Variants in RFTN1 observed in about 807,000 individuals in gnomAD.
RFTN1 encodes the protein raftlin.
In RFTN1, 26 loss-of-function variants were observed where a neutral mutation model predicts 46.5. The ratio of observed to expected loss-of-function variants is 0.56; its 90% CI spans 0.41 to 0.78. The LOEUF is 0.78. Ranked by LOEUF, RFTN1 falls within the 30% of genes least tolerant of loss-of-function variation. The probability of loss-of-function intolerance (pLI) is 0.00; values close to 1 mark genes in which losing one functional copy is unlikely to be tolerated. For synonymous variants in RFTN1, 261 were observed against 284.2 expected (o/e 0.92, Z 0.82); for missense variants, 693 against 718.7 (o/e 0.96, Z 0.41).
At chr3:16,508,925 C>T (rs992352662) in intron 1 of RFTN1, among the ~76,000 whole-genome samples, 1 of 152,160 alleles carries the variant, frequency 6.6e-6, no homozygotes, top group African/African-American at 2.4e-5. Context: ...TAGCCACTAA[C>T]CACACGTGGC....
Position 16,461,169 on chromosome 3 carries a change from CT to C in RFTN1, c.146-27133del, listed in dbSNP as rs1056943464. ...AAGCTAATGAACTGAATCTAATTTT[CT>C]TTTGACCATCTTTGACAAGGAATAA... On this transcript the variant is annotated intron_variant, in intron 2 of 9. Transcript: ENST00000334133. Among the ~76,000 whole-genome samples the C allele has an allele frequency of 1.2e-4, 19 of 152,080 alleles. 2 individuals are homozygous for C. Among genetic ancestry groups the C allele is most frequent in the Non-Finnish European group, 1.5e-5 (1 of 68,008 alleles).
At chr3:16,434,365 CAA>C (rs1160947578) in intron 2 of RFTN1, among the ~76,000 whole-genome samples, 47 of 24,804 alleles carry the variant, frequency 1.9e-3, no homozygotes, top group African/African-American at 0.012. Context: ...CTCTCTTAAA[CAA>C]ACAAACAAAC....
chr3:16,319,799 A>C (rs967027195), intron 9 of RFTN1, among the ~76,000 whole-genome samples: 2 of 152,224 alleles, frequency 1.3e-5, no homozygotes, highest in Non-Finnish European at 1.5e-5. Context: ...AAGCAAGAGG[A>C]GGCCTGGACT....
At chr3:16,463,512 A>G (rs1244912953) in intron 2 of RFTN1, among the ~76,000 whole-genome samples, 2 of 152,210 alleles carry the variant, frequency 1.3e-5, no homozygotes, top group Non-Finnish European at 1.5e-5. Flanking sequence ...CAAGTAATAG[A>G]AATCCCATTT....
rs1321085914 is a variant in RFTN1, at chr3:16,338,227, A to T, written c.1147-11351T>A. Reference sequence around the variant, plus strand: ...GCAGGAGATGGCATGCATCCTTATTATCAGGGGTGTCTGCCCACACACACC... The same window carrying T: ...GCAGGAGATGGCATGCATCCTTATTTTCAGGGGTGTCTGCCCACACACACC... On this transcript the variant is annotated intron_variant, in intron 7 of 9. Coordinates refer to ENST00000334133, the MANE Select transcript of RFTN1 (RefSeq NM_015150.2). The surrounding 1 kb of genome is among the most constrained non-coding windows in gnomAD (Gnocchi z 5.3). Among the ~76,000 whole-genome samples the T allele has an allele frequency of 6.6e-6, 1 of 152,224 alleles. No homozygotes were observed. Among genetic ancestry groups the T allele is most frequent in the East Asian group, 1.9e-4 (1 of 5,200 alleles).
chr3:16,380,552 T>C lies in RFTN1; in HGVS notation c.442-2450A>G, dbSNP rs1448646172. 6.6e-6 allele frequency among the ~76,000 whole-genome samples: 1 copy of C among 152,190 alleles called. No individual in the cohort carries two copies. Among genetic ancestry groups the C allele is most frequent in the African/African-American group, 2.4e-5 (1 of 41,458 alleles). ...TCCTTTGCCATCTTGTACTGCAAAT[T>C]TATCCTCTAGGCCAGGGGTTCTCAA... On this transcript the variant is annotated intron_variant, in intron 4 of 9. Coordinates refer to ENST00000334133, the MANE Select transcript of RFTN1 (RefSeq NM_015150.2). This position sits in a 1 kb window ranked among gnomAD's most constrained non-coding sequence, Gnocchi z 4.8.
At chr3:16,389,086 T>C (rs1575207016) in intron 4 of RFTN1, among the ~76,000 whole-genome samples, 1 of 152,252 alleles carries the variant, frequency 6.6e-6, no homozygotes, top group African/African-American at 2.4e-5. Flanking sequence ...CATCCAGTAT[T>C]CGTGACCTTT....
rs2070809132 is a variant in RFTN1, at chr3:16,335,985, C to T, written c.1147-9109G>A. Among the ~76,000 whole-genome samples the T allele has an allele frequency of 6.6e-6, 1 of 152,168 alleles. No individual in the cohort carries two copies. The highest frequency in any genetic ancestry group is 1.5e-5 in the Non-Finnish European group (1 of 68,028). Reference sequence around the variant, plus strand: ...GCATGCTGGCGCCTTCTCAGGGCTGCCTGGGCCCTGCTCAGCACACGCTGG... The same window carrying T: ...GCATGCTGGCGCCTTCTCAGGGCTGTCTGGGCCCTGCTCAGCACACGCTGG... On this transcript the variant is annotated intron_variant, in intron 7 of 9. Transcript: ENST00000334133. This position sits in a 1 kb window ranked among gnomAD's most constrained non-coding sequence, Gnocchi z 4.7.
rs1412766505 is a variant in RFTN1 at position 16,422,050 on chromosome 3, A to G, written c.332+11801T>C. Among the ~76,000 whole-genome samples the G allele has an allele frequency of 6.6e-6, 1 of 152,198 alleles. No homozygotes were observed. Among genetic ancestry groups the G allele is most frequent in the East Asian group, 1.9e-4 (1 of 5,204 alleles). On this transcript the variant is annotated intron_variant, in intron 3 of 9. Transcript: ENST00000334133. This position sits in a 1 kb window ranked among gnomAD's most constrained non-coding sequence, Gnocchi z 4.6. Reference sequence around the variant, plus strand: ...TAATTTTTCAATAAAATATATAAAAATAGACACCTCAGTTCTCCTTCAACA... The same window carrying G: ...TAATTTTTCAATAAAATATATAAAAGTAGACACCTCAGTTCTCCTTCAACA...
intron 1 of RFTN1, among the ~76,000 whole-genome samples, chr3:16,494,235 T>C (rs1376429572): frequency 6.6e-6 from 1 of 152,164 alleles, no homozygotes; most frequent in African/African-American, 2.4e-5. Context: ...TAAAAAGCAA[T>C]ACGGTGCATT....
At chr3:16,365,062 A>G (rs951121922) in intron 6 of RFTN1, among the ~76,000 whole-genome samples, 2 of 152,254 alleles carry the variant, frequency 1.3e-5, no homozygotes, top group Non-Finnish European at 2.9e-5. Flanking sequence ...CTATGGACAC[A>G]TGAGAAAATG....
At position 16,424,866 on chromosome 3, in the gene RFTN1, A is replaced by C. The variant is rs1288779602; in HGVS notation, c.332+8985T>G. ...TTCTGCATTCATATCTAAAAGTGTAAAACTCAATGACTAGTCTCATCCAGG... is the reference window on the plus strand; with the variant it reads ...TTCTGCATTCATATCTAAAAGTGTACAACTCAATGACTAGTCTCATCCAGG... On this transcript the variant is annotated intron_variant, in intron 3 of 9. Transcript: ENST00000334133. This position sits in a 1 kb window ranked among gnomAD's most constrained non-coding sequence, Gnocchi z 4.7. Among the ~76,000 whole-genome samples, 2 of 152,164 alleles carry C rather than the reference A, an allele frequency of 1.3e-5. No homozygotes were observed. Among genetic ancestry groups the C allele is most frequent in the Non-Finnish European group, 2.9e-5 (2 of 68,020 alleles).
At chr3:16,493,955 C>T (rs908940967) in intron 1 of RFTN1, 78 bp from the exon 2 acceptor site, 12 of 1,504,256 alleles carry the variant, frequency 8.0e-6, no homozygotes, top group Non-Finnish European at 1.1e-5. Flanking sequence ...ATAAAAGATG[C>T]CGTAATTTTC....
intron 9 of RFTN1, among the ~76,000 whole-genome samples, chr3:16,319,154 CA>C (rs1442349346): frequency 6.6e-6 from 1 of 152,064 alleles, no homozygotes; most frequent in Non-Finnish European, 1.5e-5. Context: ...ATGGATGTTC[CA>C]AAACAGTCAG....
In RFTN1 at chr3:16,513,026, C is replaced by G. The variant is rs938336622; in HGVS notation, c.-9+416G>C. ...CCTGGACTCCGCGACCAGCTCCCTC[C>G]TGTTCTTTTCCGAGGACCCCAGCGG... On this transcript the variant is annotated intron_variant, in intron 1 of 9. Transcript: ENST00000334133. This position sits in a 1 kb window ranked among gnomAD's most constrained non-coding sequence, Gnocchi z 5.4. 8 of 152,778 alleles carry G rather than the reference C, an allele frequency of 5.2e-5. No homozygotes were observed. The highest frequency in any genetic ancestry group is 1.9e-4 in the African/African-American group (8 of 41,564). The allele number at this position is 152,778 out of a possible 1,614,324, so 9.5% of individuals were successfully genotyped here.
Position 16,361,252 on chromosome 3 carries a change from G to A in RFTN1, c.1031-3205C>T, listed in dbSNP as rs2072808777. Among the ~76,000 whole-genome samples, 2 of 152,270 alleles carry A rather than the reference G, an allele frequency of 1.3e-5. 1 individual carries two copies. Among genetic ancestry groups the A allele is most frequent in the South Asian group, 4.1e-4 (2 of 4,820 alleles). ...GAAGGGTGAGTGACATGTTACTGGAGTTCAAGTGCACTGAATAACCTTCCA... is the reference window on the plus strand; with the variant it reads ...GAAGGGTGAGTGACATGTTACTGGAATTCAAGTGCACTGAATAACCTTCCA... On this transcript the variant is annotated intron_variant, in intron 6 of 9. Transcript: ENST00000334133. This position sits in a 1 kb window ranked among gnomAD's most constrained non-coding sequence, Gnocchi z 4.3.
chr3:16,493,790 T>A lies in RFTN1; in HGVS notation c.80A>T (p.Gln27Leu). Residue 27 changes from glutamine (Q) to leucine (L), a missense_variant, in exon 2 of 10, where the codon CAG (glutamine) becomes CTG (leucine). Physicochemically the swap from Gln to Leu is moderately radical, Grantham distance 113 (BLOSUM62 -2). Transcript: ENST00000334133. The part of the protein sequence containing the change: ...GNIYSTLKRP[Q>L]VETKIDVSYE... ...GGACACATCTATCTTGGTTTCCACC[T>A]GAGGCCTCTTCAAAGTTGAATAAAT... The A allele has an allele frequency of 1.2e-6, 2 of 1,614,014 alleles. No individual in the cohort carries two copies. The highest frequency in any genetic ancestry group is 1.7e-6 in the Non-Finnish European group (2 of 1,179,986).
chr3:16,354,960 G>C (rs1243739300), intron 7 of RFTN1, among the ~76,000 whole-genome samples: 1 of 152,126 alleles, frequency 6.6e-6, no homozygotes, highest in Non-Finnish European at 1.5e-5. Flanking sequence ...AATAAGGATG[G>C]CCTTTCCTCC....
intron 2 of RFTN1, among the ~76,000 whole-genome samples, chr3:16,482,516 A>G (rs2076383632): frequency 6.6e-6 from 1 of 152,146 alleles, no homozygotes; most frequent in South Asian, 2.1e-4. Context: ...GACCTTTGGT[A>G]TTGTCCACAA....
Sources: allele counts gnomAD v4.1 joint callset (sites outside exome capture counted in the v4.1 genomes callset), GRCh38; gene constraint gnomAD v4.1.1; non-coding constraint Gnocchi (gnomAD v3.1); transcripts MANE v1.5; gene names NCBI Gene and HGNC (gene_info 2026-07-23, HGNC 2026-07-21).